ADAM23: variants seen among roughly 807,000 people sequenced by gnomAD.
ADAM23 encodes the protein disintegrin and metalloproteinase domain-containing protein 23.
Under a neutral mutation model 120.1 loss-of-function variants are expected in ADAM23, and 33 were observed. That is an observed-to-expected ratio of 0.27 (90% CI 0.21 to 0.37). ADAM23 has a LOEUF of 0.37. Ranked by LOEUF, ADAM23 falls within the 10% of genes least tolerant of loss-of-function variation. The pLI, the probability that ADAM23 is intolerant of heterozygous loss-of-function variation, is 1.00. For missense variants in ADAM23, 862 were observed against 1,058.2 expected (o/e 0.81, Z 2.57); for synonymous variants, 367 against 375.2 (o/e 0.98, Z 0.25).
chr2:206,521,815 T>A (rs1259143496), intron 3 of ADAM23, among the ~76,000 whole-genome samples: 5 of 152,216 alleles, frequency 3.3e-5, no homozygotes, highest in Non-Finnish European at 7.3e-5. Flanking sequence ...ACTTGTGGAT[T>A]ATAGGGTGAA....
intron 25 of ADAM23, among the ~76,000 whole-genome samples, chr2:206,617,044 G>A (rs1686210739): frequency 6.6e-6 from 1 of 152,108 alleles, no homozygotes; most frequent in African/African-American, 2.4e-5. Context: ...TATAAAAAAT[G>A]CTTGTTCTAT....
chr2:206,613,414 C>T (rs1240409181), intron 25 of ADAM23, among the ~76,000 whole-genome samples: 1 of 152,134 alleles, frequency 6.6e-6, no homozygotes, highest in African/African-American at 2.4e-5. Flanking sequence ...TATGATTAGT[C>T]GTAGAGTCCC....
At chr2:206,492,611 G>T (rs1317635645) in intron 3 of ADAM23, among the ~76,000 whole-genome samples, 1 of 152,136 alleles carries the variant, frequency 6.6e-6, no homozygotes, top group Admixed American at 6.5e-5. Flanking sequence ...GCAAGATTGT[G>T]CCTTGTTGCT....
At chr2:206,530,621 GA>G (rs5838028) in intron 3 of ADAM23, among the ~76,000 whole-genome samples, 61,676 of 99,374 alleles carry the variant, frequency 0.62, 16,029 homozygotes, top group Non-Finnish European at 0.63. Flanking sequence ...GTCTCAAAAA[GA>G]AAAAAAAAAA....
intron 9 of ADAM23, among the ~76,000 whole-genome samples, chr2:206,553,305 A>G (rs1227734109): frequency 6.6e-6 from 1 of 152,142 alleles, no homozygotes; most frequent in Non-Finnish European, 1.5e-5. Flanking sequence ...AGGTGGTGAC[A>G]TTTACCTGTA....
intron 15 of ADAM23, among the ~76,000 whole-genome samples, chr2:206,567,775 T>C (rs149934319): frequency 9.9e-5 from 15 of 152,260 alleles, no homozygotes; most frequent in Middle Eastern, 3.4e-3. Context: ...TACCTCAGAC[T>C]GGGTAATTTA....
At chr2:206,604,355 A>T (rs1291189601) in intron 24 of ADAM23, among the ~76,000 whole-genome samples, 1 of 152,210 alleles carries the variant, frequency 6.6e-6, no homozygotes, top group African/African-American at 2.4e-5. Flanking sequence ...AGGTCTTTTT[A>T]AAAATGAGGC....
At chr2:206,485,120 G>C (rs1240639867) in intron 3 of ADAM23, among the ~76,000 whole-genome samples, 1 of 152,172 alleles carries the variant, frequency 6.6e-6, no homozygotes. Context: ...ATGCTGTCCT[G>C]AGCTTTCTGA....
At chr2:206,514,927 ATAGAC>A (rs1696699090) in intron 3 of ADAM23, among the ~76,000 whole-genome samples, 1 of 152,210 alleles carries the variant, frequency 6.6e-6, no homozygotes, top group Admixed American at 6.5e-5. Flanking sequence ...TACATGCATA[ATAGAC>A]TAGAGTACAG....
At chr2:206,472,447 TA>T (rs3216682) in intron 2 of ADAM23, among the ~76,000 whole-genome samples, 2 of 144,712 alleles carry the variant, frequency 1.4e-5, no homozygotes, top group South Asian at 2.2e-4. Flanking sequence ...CTGTCTTTAC[TA>T]AAAAAAAAAC....
At position 206,488,828 on chromosome 2, in the gene ADAM23, C is replaced by T. The variant is rs371492418; in HGVS notation, c.509+7520C>T. On this transcript the variant is annotated intron_variant, in intron 3 of 25. Transcript: ENST00000264377. ...TTGAAAGGTGTGGGAAGGAGAAAGA[C>T]GCAGACTCCACAGGAAGTGGCAGGC... is the stretch of plus-strand genomic sequence containing the variant. Among the ~76,000 whole-genome samples the T allele has an allele frequency of 9.5e-4, 144 of 152,202 alleles. 5 individuals are homozygous for T. In the South Asian group the frequency reaches 0.03, roughly 31 times the overall value.
chr2:206,445,458 C>T lies in ADAM23; in HGVS notation c.366C>T (p.Asn122=). The T allele has an allele frequency of 6.2e-7, 1 of 1,614,096 alleles. No homozygotes were observed. Among genetic ancestry groups the T allele is most frequent in the Admixed American group, 1.7e-5 (1 of 60,014 alleles). ...TLPSRLIYYI[N]QDSESPYHVL... ...CTTCAAGACTCATATATTACATCAA[C>T]CAAGACTCGGAAAGCCCTTATCACG... The change falls in exon 2 of 26, where the codon AAC becomes AAT. Residue 122 remains asparagine (N), a synonymous_variant. Coordinates refer to ENST00000264377, the MANE Select transcript of ADAM23 (RefSeq NM_003812.4).
At chr2:206,511,590 A>C (rs1180642511) in intron 3 of ADAM23, among the ~76,000 whole-genome samples, 4 of 152,176 alleles carry the variant, frequency 2.6e-5, no homozygotes, top group Non-Finnish European at 4.4e-5. Context: ...AGTGGAGCTC[A>C]TAGCAGAACC....
intron 21 of ADAM23, 105 bp from the exon 22 acceptor site, chr2:206,592,511 GA>G: frequency 7.3e-7 from 1 of 1,370,002 alleles, no homozygotes; most frequent in South Asian, 1.4e-5. Flanking sequence ...TGTTTAGAAA[GA>G]AAGATAATAT....
At chr2:206,468,803 A>G (rs1695594499) in intron 2 of ADAM23, among the ~76,000 whole-genome samples, 1 of 152,204 alleles carries the variant, frequency 6.6e-6, no homozygotes, top group Non-Finnish European at 1.5e-5. Context: ...TGATAAAGAA[A>G]AGAGGTTTAA....
intron 24 of ADAM23, among the ~76,000 whole-genome samples, chr2:206,609,005 A>AT (rs1015845511): frequency 6.6e-6 from 1 of 152,208 alleles, no homozygotes; most frequent in African/African-American, 2.4e-5. Flanking sequence ...TAAAGTAATT[A>AT]TTATACTAGG....
At chr2:206,574,273 A>G (rs956558823) in intron 18 of ADAM23, among the ~76,000 whole-genome samples, 1 of 152,096 alleles carries the variant, frequency 6.6e-6, no homozygotes, top group Non-Finnish European at 1.5e-5. Flanking sequence ...CAACCTGTAC[A>G]TATTTTAAAG....
chr2:206,464,198 T>C (rs1695490444), intron 2 of ADAM23, among the ~76,000 whole-genome samples: 1 of 152,226 alleles, frequency 6.6e-6, no homozygotes, highest in African/African-American at 2.4e-5. Flanking sequence ...AGAACGAAAC[T>C]TCCCATTTTT....
intron 21 of ADAM23, among the ~76,000 whole-genome samples, chr2:206,591,855 A>T (rs978356198): frequency 1.8e-4 from 27 of 152,192 alleles, no homozygotes; most frequent in African/African-American, 5.3e-4. Context: ...GGTGGGTGTG[A>T]CCTGCTATAT....
Sources: allele counts gnomAD v4.1 joint callset (sites outside exome capture counted in the v4.1 genomes callset), GRCh38; gene constraint gnomAD v4.1.1; transcripts MANE v1.5; gene names NCBI Gene and HGNC (gene_info 2026-07-23, HGNC 2026-07-21).